Variants in IL1RAPL1 observed in about 807,000 individuals in gnomAD.
The protein encoded by IL1RAPL1 is interleukin-1 receptor accessory protein-like 1.
A neutral mutation model predicts 48.4 loss-of-function variants in IL1RAPL1; 3 were observed. The observed-to-expected ratio is 0.06, with a 90% CI of 0.03 to 0.16. The LOEUF (loss-of-function observed/expected upper bound fraction) is 0.16, where lower values mean the gene tolerates loss of function less well. IL1RAPL1 is among the 10% of genes least tolerant of loss of function. IL1RAPL1 has a pLI of 1.00. For synonymous variants in IL1RAPL1, 185 were observed against 187.7 expected (o/e 0.99, Z 0.12); for missense variants, 349 against 530.6 (o/e 0.66, Z 3.36).
intron 6 of IL1RAPL1, among the ~76,000 whole-genome samples, chrX:29,807,984 A>G: frequency 8.9e-6 from 1 of 112,075 alleles, no homozygotes; most frequent in Middle Eastern, 4.7e-3. Flanking sequence ...TTTTGTCAAA[A>G]ATATTAGGTA....
chrX:29,938,307 T>C (rs1045827100), intron 8 of IL1RAPL1, among the ~76,000 whole-genome samples: 3 of 112,214 alleles, frequency 2.7e-5, no homozygotes, highest in African/African-American at 9.7e-5. Context: ...GTTCTGTTTA[T>C]TAGATTGATC....
chrX:29,367,203 T>G (rs1933474126), intron 3 of IL1RAPL1, among the ~76,000 whole-genome samples: 1 of 112,203 alleles, frequency 8.9e-6, no homozygotes. Context: ...AAACTTATCA[T>G]TTTTCATTCA....
chrX:29,717,687 A>G (rs1219649752), intron 6 of IL1RAPL1, among the ~76,000 whole-genome samples: 8 of 112,226 alleles, frequency 7.1e-5, no homozygotes, highest in Non-Finnish European at 1.1e-4. Context: ...CATATTGTCT[A>G]TGGCTATTTT....
At chrX:29,665,157 C>T in intron 5 of IL1RAPL1, among the ~76,000 whole-genome samples, 1 of 112,188 alleles carries the variant, frequency 8.9e-6, no homozygotes, top group Non-Finnish European at 1.9e-5. Context: ...TTTAAAATTA[C>T]CCTGTGCTTC....
intron 1 of IL1RAPL1, among the ~76,000 whole-genome samples, chrX:28,709,998 G>A (rs1171765982): frequency 9.0e-6 from 1 of 111,604 alleles, no homozygotes; most frequent in Non-Finnish European, 1.9e-5. Context: ...AAAGATGGAG[G>A]CTCATCTATT....
intron 2 of IL1RAPL1, among the ~76,000 whole-genome samples, chrX:29,139,533 A>G (rs900341987): frequency 9.0e-6 from 1 of 111,134 alleles, no homozygotes; most frequent in African/African-American, 3.3e-5. Context: ...TTTATAAACC[A>G]TTTGTTTTAG....
At chrX:28,885,828 C>T (rs750569625) in intron 2 of IL1RAPL1, among the ~76,000 whole-genome samples, 18 of 110,725 alleles carry the variant, frequency 1.6e-4, no homozygotes, top group East Asian at 5.7e-4. Flanking sequence ...ACATGTCTTT[C>T]GGGAAATTAT....
chrX:28,712,995 A>G (rs1032683539), intron 1 of IL1RAPL1, among the ~76,000 whole-genome samples: 4 of 111,745 alleles, frequency 3.6e-5, no homozygotes, highest in Non-Finnish European at 7.5e-5. Flanking sequence ...CTGTTATGCC[A>G]AAAGATAAAA....
chrX:29,784,349 A>G (rs909220289), intron 6 of IL1RAPL1, among the ~76,000 whole-genome samples: 1 of 111,478 alleles, frequency 9.0e-6, no homozygotes, highest in Non-Finnish European at 1.9e-5. Flanking sequence ...CCTTGGGATT[A>G]TTCAGTTCTT....
chrX:29,887,425 C>T (rs945432804), intron 6 of IL1RAPL1, among the ~76,000 whole-genome samples: 1 of 111,727 alleles, frequency 9.0e-6, no homozygotes, highest in African/African-American at 3.2e-5. Context: ...AACAGTGGGG[C>T]CAATTTGGTC....
intron 2 of IL1RAPL1, among the ~76,000 whole-genome samples, chrX:28,888,086 G>T (rs780311970): frequency 9.1e-6 from 1 of 110,117 alleles, no homozygotes; most frequent in Non-Finnish European, 1.9e-5. Context: ...TAATATATTA[G>T]GTAGGAAACC....
At chrX:29,360,236 T>A (rs1167030508) in intron 3 of IL1RAPL1, among the ~76,000 whole-genome samples, 4 of 112,107 alleles carry the variant, frequency 3.6e-5, no homozygotes, top group Non-Finnish European at 7.5e-5. Flanking sequence ...CTTAATGAGT[T>A]TAAATAACTG....
chrX:29,717,708 T>G (rs922901226), intron 6 of IL1RAPL1, among the ~76,000 whole-genome samples: 7 of 112,222 alleles, frequency 6.2e-5, no homozygotes, highest in Non-Finnish European at 1.3e-4. Flanking sequence ...TGAGCTGCCA[T>G]GGCATGGTTG....
chrX:29,467,681 G>A (rs1237106182), intron 5 of IL1RAPL1, among the ~76,000 whole-genome samples: 1 of 111,401 alleles, frequency 9.0e-6, no homozygotes, highest in African/African-American at 3.3e-5. Context: ...AGGTAAATTT[G>A]TGAGTGGTAA....
At chrX:28,706,314 C>T (rs1015515865) in intron 1 of IL1RAPL1, among the ~76,000 whole-genome samples, 2 of 112,255 alleles carry the variant, frequency 1.8e-5, no homozygotes, top group African/African-American at 6.5e-5. Context: ...ATGTAATAGG[C>T]TGTATCATCT....
chrX:29,915,137 C>T (rs947341391), intron 6 of IL1RAPL1, among the ~76,000 whole-genome samples: 3 of 111,967 alleles, frequency 2.7e-5, no homozygotes, highest in East Asian at 2.8e-4. Flanking sequence ...CTACTAAAAA[C>T]ACAAAAATAA....
intron 3 of IL1RAPL1, among the ~76,000 whole-genome samples, chrX:29,288,241 A>G (rs1033002475): frequency 1.8e-5 from 2 of 110,662 alleles, no homozygotes; most frequent in Non-Finnish European, 1.9e-5. Flanking sequence ...TGCACCTATC[A>G]ACCCATCACC....
chrX:29,025,633 C>T lies in IL1RAPL1; in HGVS notation c.82+236208C>T, dbSNP rs1428071063. On this transcript the variant is annotated intron_variant, in intron 2 of 10. Coordinates refer to ENST00000378993, the MANE Select transcript of IL1RAPL1 (RefSeq NM_014271.4). ...TGAGTATCCTTGAAATCCTTGAAAT[C>T]ATGTCACATTGGAATAAATTATTAC... is the stretch of plus-strand genomic sequence containing the variant. 2.7e-5 allele frequency among the ~76,000 whole-genome samples: 3 copies of T among 111,726 alleles called. No homozygotes were observed. The East Asian group carries it at 8.3e-4, about 31-fold the overall frequency.
rs190276829 is a variant in IL1RAPL1 at position 29,850,113 on chromosome X, T to C, written c.779-67351T>C. On this transcript the variant is annotated intron_variant, in intron 6 of 10. Transcript: ENST00000378993. Reference sequence around the variant, plus strand: ...TCTTTGGCATTTAAGGGCACCTGAGTGTAGTCCCTTGGGAAAGTAGATTTT... The same window carrying C: ...TCTTTGGCATTTAAGGGCACCTGAGCGTAGTCCCTTGGGAAAGTAGATTTT... Among the ~76,000 whole-genome samples the C allele has an allele frequency of 8.9e-5, 10 of 112,203 alleles. 1 individual carries two copies. In the Admixed American group the frequency reaches 9.4e-4, roughly 11 times the overall value.
Sources: allele counts gnomAD v4.1 joint callset (sites outside exome capture counted in the v4.1 genomes callset), GRCh38; gene constraint gnomAD v4.1.1; transcripts MANE v1.5; gene names NCBI Gene and HGNC (gene_info 2026-07-23, HGNC 2026-07-21).